The following ADD3 variants were observed in gnomAD, a reference collection of about 807,000 sequenced individuals.
ADD3 encodes the protein adducin 3.
ADD3 carries 25 observed loss-of-function variants against 80.2 expected under a neutral mutation model. The ratio of observed to expected loss-of-function variants is 0.31; its 90% CI spans 0.23 to 0.44. The LOEUF (loss-of-function observed/expected upper bound fraction) is 0.44, where lower values mean the gene tolerates loss of function less well. ADD3 is among the 20% of genes least tolerant of loss of function. ADD3 has a pLI of 1.00. For synonymous variants in ADD3, 284 were observed against 289.6 expected (o/e 0.98, Z 0.20); for missense variants, 829 against 847.5 (o/e 0.98, Z 0.27).
chr10:110,124,064 G>A lies in ADD3; in HGVS notation c.1191G>A (p.Lys397=), dbSNP rs774146380. 1.2e-6 allele frequency: 2 copies of A among 1,614,142 alleles called. No homozygotes were observed. Among genetic ancestry groups the A allele is most frequent in the South Asian group, 1.1e-5 (1 of 91,078 alleles). Residue 397 remains lysine, a synonymous_variant, in exon 10 of 15, where the codon AAG becomes AAA. Coordinates refer to ENST00000356080, the MANE Select transcript of ADD3 (RefSeq NM_016824.5). ...ACAGGCATCCTCTCATTCGAGAGAA[G>A]CCTAGGCACAAGAGTGATGTGGAAA... ...YAYRHPLIRE[K]PRHKSDVEIP...
chr10:110,093,089 C>T (rs1452837480), intron 1 of ADD3, among the ~76,000 whole-genome samples: 2 of 152,146 alleles, frequency 1.3e-5, no homozygotes, highest in Admixed American at 1.3e-4. Flanking sequence ...CAACTCCTGA[C>T]CTCAAGTAAT....
intron 1 of ADD3, among the ~76,000 whole-genome samples, chr10:110,048,706 ATAAC>A (rs1254577062): frequency 1.3e-5 from 2 of 152,222 alleles, no homozygotes; most frequent in African/African-American, 4.8e-5. Context: ...AAATTTCTAA[ATAAC>A]AAAGCATTCA....
In ADD3 at chr10:110,111,816, G is replaced by A. The variant is rs554152782; in HGVS notation, c.196-961G>A. Among the ~76,000 whole-genome samples the A allele has an allele frequency of 2.0e-5, 3 of 152,164 alleles. No homozygotes were observed. The East Asian group carries it at 5.9e-4, about 30-fold the overall frequency. On this transcript the variant is annotated intron_variant, in intron 2 of 14. Transcript: ENST00000356080. ...TAATCCCAGCTACTCAGGAGGCTGA[G>A]GCAGGAGAATCGCTTCAACCCGGGA...
At chr10:110,084,171 TGAA>T (rs1846412508) in intron 1 of ADD3, among the ~76,000 whole-genome samples, 1 of 152,184 alleles carries the variant, frequency 6.6e-6, no homozygotes, top group Admixed American at 6.5e-5. Flanking sequence ...AGCTGAGTCA[TGAA>T]GTTTACTCTT....
At chr10:110,124,388 C>G in intron 10 of ADD3, 114 bp downstream of exon 10, 3 of 1,233,618 alleles carry the variant, frequency 2.4e-6, no homozygotes, top group Non-Finnish European at 3.3e-6. Flanking sequence ...AAAAATATTA[C>G]TGTCACTTAT....
rs74154987 is a variant in ADD3, at chr10:110,135,347, T to C, written c.*1729T>C. On this transcript the variant is annotated 3_prime_UTR_variant, in exon 15 of 15. Coordinates refer to ENST00000356080, the MANE Select transcript of ADD3 (RefSeq NM_016824.5). ...ATGCTTTTCCATAACTTTTTAAAAATATATATATCTAAATGAATGCAATGT... is the reference window on the plus strand; with the variant it reads ...ATGCTTTTCCATAACTTTTTAAAAACATATATATCTAAATGAATGCAATGT... 333 of 152,768 alleles carry C rather than the reference T, an allele frequency of 2.2e-3. No homozygotes were observed. The highest frequency in any genetic ancestry group is 0.01 in the Middle Eastern group (3 of 294). 9.5% of individuals were successfully genotyped at this position (152,768 alleles called of 1,614,324 possible). A position where few individuals can be genotyped will look rare whatever the true frequency, so the allele number is the denominator to read the frequency against.
intron 13 of ADD3, 103 bp from the exon 14 acceptor site, chr10:110,132,202 A>G (rs1295463158): frequency 1.4e-6 from 1 of 708,722 alleles, no homozygotes; most frequent in African/African-American, 1.8e-5. Flanking sequence ...AGAATTTATC[A>G]TCTCTTTGTA....
intron 11 of ADD3, 86 bp from the exon 12 acceptor site, chr10:110,126,331 G>A (rs3731566): frequency 0.65 from 647,995 of 1,003,096 alleles, 219,547 homozygotes; most frequent in East Asian, 1. Context: ...GAAATGTCAA[G>A]TAGTAAGCTT....
chr10:110,133,591 C>CA lies in ADD3; in HGVS notation c.2102dup (p.Glu702GlyfsTer4), dbSNP rs760140619. The CA allele has an allele frequency of 9.1e-5, 143 of 1,579,088 alleles. No homozygotes were observed. The highest frequency in any genetic ancestry group is 3.4e-4 in the Middle Eastern group (2 of 5,866). On this transcript the variant is annotated frameshift_variant, in exon 15 of 15. Coordinates refer to ENST00000356080, the MANE Select transcript of ADD3 (RefSeq NM_016824.5). LOFTEE classifies it high-confidence loss of function. Reference sequence around the variant, plus strand: ...GCACTCCTTCTTTTCTGAAAAAGAACAAAAAAAAGGAGAAAGTTGAGGCCT... The same window carrying CA: ...GCACTCCTTCTTTTCTGAAAAAGAACAAAAAAAAAGGAGAAAGTTGAGGCCT...
intron 1 of ADD3, among the ~76,000 whole-genome samples, chr10:110,091,703 C>T (rs537619019): frequency 1.3e-3 from 195 of 152,036 alleles, no homozygotes; most frequent in Non-Finnish European, 2.4e-3. Flanking sequence ...CTGGATTTCA[C>T]GATGAAGTCT....
chr10:110,038,254 G>A (rs187932087), intron 1 of ADD3, among the ~76,000 whole-genome samples: 2 of 152,182 alleles, frequency 1.3e-5, no homozygotes, highest in African/African-American at 4.8e-5. Context: ...TGTGGACTAG[G>A]TGGGGGTAGA....
intron 1 of ADD3, among the ~76,000 whole-genome samples, chr10:110,096,155 AT>A (rs1848121095): frequency 6.6e-6 from 1 of 152,202 alleles, no homozygotes; most frequent in Non-Finnish European, 1.5e-5. Flanking sequence ...TTATATAAAA[AT>A]ATTTTTTTGG....
chr10:110,024,323 T>A (rs1314420893), intron 1 of ADD3, among the ~76,000 whole-genome samples: 1 of 152,184 alleles, frequency 6.6e-6, no homozygotes, highest in Non-Finnish European at 1.5e-5. Context: ...TCTTGAAACT[T>A]CAAAAGTAAA....
intron 10 of ADD3, among the ~76,000 whole-genome samples, chr10:110,125,179 C>T (rs531928746): frequency 5.6e-4 from 86 of 152,272 alleles, no homozygotes; most frequent in African/African-American, 1.9e-3. Context: ...ATTGGTTTCT[C>T]AGAATTCATT....
intron 1 of ADD3, among the ~76,000 whole-genome samples, chr10:110,048,240 C>T (rs913874757): frequency 3.9e-5 from 6 of 152,204 alleles, no homozygotes; most frequent in Admixed American, 6.5e-5. Context: ...TCCCCAGCCA[C>T]GTGGAACTGT....
chr10:110,045,126 G>T (rs1054865642), intron 1 of ADD3, among the ~76,000 whole-genome samples: 4 of 152,150 alleles, frequency 2.6e-5, no homozygotes, highest in African/African-American at 9.7e-5. Flanking sequence ...AGGCCAAGGT[G>T]GGGTGGATCA....
At chr10:110,130,010 C>G (rs1412401207) in intron 12 of ADD3, among the ~76,000 whole-genome samples, 2 of 151,912 alleles carry the variant, frequency 1.3e-5, no homozygotes, top group African/African-American at 2.4e-5. Context: ...TTTCTGTAAG[C>G]CTTTTTTACA....
At chr10:110,027,628 G>A (rs1193436245) in intron 1 of ADD3, among the ~76,000 whole-genome samples, 1 of 152,068 alleles carries the variant, frequency 6.6e-6, no homozygotes, top group African/African-American at 2.4e-5. Context: ...GTGACTAGTG[G>A]CTATCAAATT....
At chr10:110,021,336 A>G (rs546062208) in intron 1 of ADD3, among the ~76,000 whole-genome samples, 5 of 152,326 alleles carry the variant, frequency 3.3e-5, no homozygotes, top group African/African-American at 1.2e-4. Flanking sequence ...AAAAATGGTA[A>G]CGGTTTACGA....
Sources: allele counts gnomAD v4.1 joint callset (sites outside exome capture counted in the v4.1 genomes callset), GRCh38; gene constraint gnomAD v4.1.1; transcripts MANE v1.5; gene names NCBI Gene and HGNC (gene_info 2026-07-23, HGNC 2026-07-21).